ZWILCH: variants seen among roughly 807,000 people sequenced by gnomAD.
The protein encoded by ZWILCH is protein zwilch homolog.
A neutral mutation model predicts 79.9 loss-of-function variants in ZWILCH; 74 were observed. That is an observed-to-expected ratio of 0.93 (90% CI 0.77 to 1.12). The LOEUF is 1.12. ZWILCH is among the 50% of genes most tolerant of loss of function. The pLI, the probability that ZWILCH is intolerant of heterozygous loss-of-function variation, is 0.00. For missense variants in ZWILCH, 694 were observed against 687.5 expected, an observed-to-expected ratio of 1.01 and a Z score of -0.11; for synonymous variants, 241 against 228.2, an observed-to-expected ratio of 1.06 and a Z score of -0.51.
rs1377295845 is a variant in ZWILCH, at chr15:66,523,625, A to G, written c.748-52A>G. On this transcript the variant is annotated intron_variant, in intron 7 of 18. Transcript: ENST00000307897. ...TGAAATGCAAGTATAACACTTATGTAGAGAAGGTAGGATTAGCACTAGAAA... is the reference window on the plus strand; with the variant it reads ...TGAAATGCAAGTATAACACTTATGTGGAGAAGGTAGGATTAGCACTAGAAA... 10 of 1,151,448 alleles carry G rather than the reference A, an allele frequency of 8.7e-6. No homozygotes were observed. The East Asian group carries it at 9.4e-5, about 11-fold the overall frequency. 71.3% of individuals were successfully genotyped at this position (1,151,448 alleles called of 1,614,324 possible).
intron 14 of ZWILCH, among the ~76,000 whole-genome samples, chr15:66,535,322 C>T (rs1894976615): frequency 6.6e-6 from 1 of 152,180 alleles, no homozygotes; most frequent in African/African-American, 2.4e-5. Context: ...CATTGCACTA[C>T]ATTACAGCTA....
rs1310210475 is a variant in ZWILCH at position 66,548,749 on chromosome 15, A to G, written c.*425A>G. ...TTCTGATTCTTATTTGCCATGAAAT[A>G]GAACTTAGTAAATTAAATGTTATTT... On this transcript the variant is annotated 3_prime_UTR_variant, in exon 19 of 19. Coordinates refer to ENST00000307897, the MANE Select transcript of ZWILCH (RefSeq NM_017975.5). 1 of 481,234 alleles carries G rather than the reference A, an allele frequency of 2.1e-6. No homozygotes were observed. The highest frequency in any genetic ancestry group is 3.7e-6 in the Non-Finnish European group (1 of 267,194). The allele number at this position is 481,234 out of a possible 1,614,324, so 29.8% of individuals were successfully genotyped here. A position where few individuals can be genotyped will look rare whatever the true frequency, so the allele number is the denominator to read the frequency against.
At position 66,548,568 on chromosome 15, in the gene ZWILCH, G is replaced by C; in HGVS notation, c.*244G>C. On this transcript the variant is annotated 3_prime_UTR_variant, in exon 19 of 19. Transcript: ENST00000307897. The stretch of plus-strand genomic sequence containing the variant: ...AGAGGGAGCAGACAGTGGGTACCAC[G>C]ATCTCCGTAACCATTTGCATGTGAC... 1.9e-6 allele frequency: 3 copies of C among 1,612,772 alleles called. No individual in the cohort carries two copies. Among genetic ancestry groups the C allele is most frequent in the Non-Finnish European group, 2.5e-6 (3 of 1,178,824 alleles).
intron 8 of ZWILCH, 116 bp downstream of exon 8, chr15:66,523,864 AT>A: frequency 1.5e-6 from 1 of 679,140 alleles, no homozygotes; most frequent in Non-Finnish European, 2.4e-6. Flanking sequence ...TTATGTATCC[AT>A]TAGAAGCTCT....
chr15:66,528,012 A>T (rs1894736463), intron 10 of ZWILCH, 100 bp downstream of exon 10: 1 of 908,070 alleles, frequency 1.1e-6, no homozygotes, highest in Non-Finnish European at 1.6e-6. Flanking sequence ...TGGATTTGGG[A>T]TATCAAGGCA....
chr15:66,537,931 A>G (rs1187642263), intron 16 of ZWILCH, among the ~76,000 whole-genome samples: 2 of 152,066 alleles, frequency 1.3e-5, no homozygotes, highest in African/African-American at 2.4e-5. Flanking sequence ...TGTATTTGTT[A>G]TTCCTTCAGA....
intron 15 of ZWILCH, among the ~76,000 whole-genome samples, chr15:66,536,614 A>C (rs1895023393): frequency 6.6e-6 from 1 of 152,238 alleles, no homozygotes; most frequent in Admixed American, 6.5e-5. Flanking sequence ...GTCCAGTGGA[A>C]GGACTGGGTT....
chr15:66,538,960 AAC>A (rs1212202288), intron 16 of ZWILCH, among the ~76,000 whole-genome samples: 1 of 152,128 alleles, frequency 6.6e-6, no homozygotes, highest in African/African-American at 2.4e-5. Flanking sequence ...GATAATTCAT[AAC>A]TCACATCTCC....
Position 66,537,224 on chromosome 15 carries a change from T to C in ZWILCH, c.1535T>C (p.Leu512Pro), listed in dbSNP as rs1567051226. Residue 512 changes from leucine (L) to proline (P), a missense_variant, in exon 16 of 19, where the codon CTG becomes CCG. Transcript: ENST00000307897. ...CTTGATGAGCAACACATTTTTCAGC[T>C]GCCAGTCAGACCAACTGCTGTAAAG... ...NPLDEQHIFQ[L>P]PVRPTAVKNL... 3 of 1,613,406 alleles carry C rather than the reference T, an allele frequency of 1.9e-6. No individual in the cohort carries two copies. Among genetic ancestry groups the C allele is most frequent in the Non-Finnish European group, 2.5e-6 (3 of 1,179,934 alleles).
At chr15:66,543,872 G>A (rs1895269617) in intron 17 of ZWILCH, among the ~76,000 whole-genome samples, 1 of 152,200 alleles carries the variant, frequency 6.6e-6, no homozygotes, top group African/African-American at 2.4e-5. Context: ...TGCAACTGTG[G>A]CTGAGAATCA....
At chr15:66,529,043 T>A in intron 11 of ZWILCH, 86 bp downstream of exon 11, 1 of 1,027,640 alleles carries the variant, frequency 9.7e-7, no homozygotes, top group Non-Finnish European at 1.5e-6. Context: ...TGTGTACCAC[T>A]AGTTTTGTGG....
chr15:66,509,870 T>TATGG (rs1491513134), intron 2 of ZWILCH, among the ~76,000 whole-genome samples: 4 of 100,558 alleles, frequency 4.0e-5, no homozygotes, highest in African/African-American at 1.6e-4. Context: ...TATATATATA[T>TATGG]CTCTTAAAAA....
intron 4 of ZWILCH, among the ~76,000 whole-genome samples, chr15:66,516,319 A>G (rs1397733556): frequency 1.3e-5 from 2 of 152,112 alleles, no homozygotes; most frequent in East Asian, 1.9e-4. Context: ...CTGTGTAGCT[A>G]TGTACAGTTC....
chr15:66,536,690 AG>A (rs35091017), intron 15 of ZWILCH, among the ~76,000 whole-genome samples: 29,728 of 151,982 alleles, frequency 0.2, 3,002 homozygotes, highest in East Asian at 0.37. Context: ...TCAGTTGTAG[AG>A]GGGAAAGTTT....
chr15:66,509,826 T>G (rs1220610515), intron 2 of ZWILCH, among the ~76,000 whole-genome samples: 1 of 2,116 alleles, frequency 4.7e-4, no homozygotes, highest in African/African-American at 7.0e-4. Context: ...TGGCTACATA[T>G]ATATATATAT....
chr15:66,527,069 C>T (rs1894699076), intron 8 of ZWILCH, among the ~76,000 whole-genome samples: 2 of 152,070 alleles, frequency 1.3e-5, no homozygotes, highest in South Asian at 2.1e-4. Flanking sequence ...AGTTACTGAA[C>T]CTCTCTTAGC....
chr15:66,526,755 C>T (rs191749727), intron 8 of ZWILCH, among the ~76,000 whole-genome samples: 2 of 152,214 alleles, frequency 1.3e-5, no homozygotes, highest in African/African-American at 2.4e-5. Flanking sequence ...AGCCACGGCG[C>T]CCGGCACTTG....
chr15:66,520,098 GCGC>G (rs1894439502), intron 5 of ZWILCH, among the ~76,000 whole-genome samples: 1 of 151,406 alleles, frequency 6.6e-6, no homozygotes, highest in South Asian at 2.1e-4. Context: ...AAGTGCTGCT[GCGC>G]CTGGCTGTTA....
chr15:66,517,430 G>GTGTGTGTGTGTATA lies in ZWILCH; in HGVS notation c.321-1448_321-1447insGTGTGTGTGTATAT. ...TGTTTGTGTGTGCGTGTGTGTGTGT[G>GTGTGTGTGTGTATA]TATATATATATATATATATATATAT... On this transcript the variant is annotated intron_variant, in intron 4 of 18. Coordinates refer to ENST00000307897, the MANE Select transcript of ZWILCH (RefSeq NM_017975.5). Among the ~76,000 whole-genome samples the GTGTGTGTGTGTATA allele has an allele frequency of 2.6e-4, 17 of 66,502 alleles. 1 individual carries two copies. Among genetic ancestry groups the GTGTGTGTGTGTATA allele is most frequent in the East Asian group, 8.2e-4 (2 of 2,436 alleles). The allele number at this position is 66,502 out of a possible 152,430, so 43.6% of individuals were successfully genotyped here. A position where few individuals can be genotyped will look rare whatever the true frequency, so the allele number is the denominator to read the frequency against.
Sources: allele counts gnomAD v4.1 joint callset (sites outside exome capture counted in the v4.1 genomes callset), GRCh38; gene constraint gnomAD v4.1.1; transcripts MANE v1.5; gene names NCBI Gene and HGNC (gene_info 2026-07-23, HGNC 2026-07-21).